The following ARID1B variants were observed in gnomAD, a reference collection of about 807,000 sequenced individuals.
ARID1B encodes AT-rich interaction domain 1B.
In ARID1B, 30 loss-of-function variants were observed where a neutral mutation model predicts 212.3. The observed-to-expected ratio is 0.14, with a 90% CI of 0.11 to 0.19. ARID1B has a LOEUF of 0.19. ARID1B is among the 10% of genes least tolerant of loss of function. The pLI, the probability that ARID1B is intolerant of heterozygous loss-of-function variation, is 1.00. For missense variants in ARID1B, 2,891 were observed against 3,204.0 expected (o/e 0.90, Z 2.36); for synonymous variants, 1,402 against 1,301.7 (o/e 1.08, Z -1.66).
intron 11 of ARID1B, among the ~76,000 whole-genome samples, chr6:157,178,924 G>A (rs1047555367): frequency 7.2e-5 from 11 of 152,128 alleles, no homozygotes; most frequent in Non-Finnish European, 1.2e-4. Context: ...AACCAGGAAC[G>A]GCAGATGGAT....
chr6:156,829,595 A>G, intron 2 of ARID1B, 174 bp downstream of exon 2: 1 of 736,188 alleles, frequency 1.4e-6, no homozygotes, highest in Non-Finnish European at 2.1e-6. Flanking sequence ...TTAAAGATGG[A>G]AAGGTGAGCT....
chr6:156,946,391 A>G (rs1191602826), intron 4 of ARID1B, among the ~76,000 whole-genome samples: 3 of 151,844 alleles, frequency 2.0e-5, no homozygotes, highest in Non-Finnish European at 2.9e-5. Flanking sequence ...AAAATAAATA[A>G]TAAATAAATA....
chr6:156,886,136 A>AG (rs746666398), intron 2 of ARID1B, among the ~76,000 whole-genome samples: 24 of 152,360 alleles, frequency 1.6e-4, no homozygotes, highest in Non-Finnish European at 2.6e-4. Context: ...GATAAGGGAC[A>AG]TTCTACCCAT....
At chr6:156,915,666 C>A (rs1039877401) in intron 3 of ARID1B, among the ~76,000 whole-genome samples, 6 of 151,154 alleles carry the variant, frequency 4.0e-5, no homozygotes, top group Non-Finnish European at 5.9e-5. Context: ...GAGGCCCAGG[C>A]GGGCAGATCA....
chr6:157,061,231 T>C (rs780939193), intron 4 of ARID1B, among the ~76,000 whole-genome samples: 1 of 152,256 alleles, frequency 6.6e-6, no homozygotes, highest in African/African-American at 2.4e-5. Flanking sequence ...AGAGCCTGGC[T>C]GCATTTGAAT....
chr6:157,106,036 T>C (rs1005111795), intron 5 of ARID1B, among the ~76,000 whole-genome samples: 2 of 152,174 alleles, frequency 1.3e-5, no homozygotes, highest in African/African-American at 4.8e-5. Context: ...GTGTAACCTT[T>C]AGACCCAACA....
In ARID1B at chr6:157,148,071, T is replaced by C. The variant is rs1789930798; in HGVS notation, c.2762-553T>C. 1.3e-5 allele frequency among the ~76,000 whole-genome samples: 2 copies of C among 151,588 alleles called. No homozygotes were observed. The highest frequency in any genetic ancestry group is 2.1e-4 in the South Asian group (1 of 4,770). ...AAAAAGAAAGAAAGAAAGAAAAATA[T>C]TATTCCCAACTTAGAGGAAAACTGG... On this transcript the variant is annotated intron_variant, in intron 7 of 19. Coordinates refer to ENST00000636930, the MANE Select transcript of ARID1B (RefSeq NM_001374828.1). The surrounding 1 kb of genome is among the most constrained non-coding windows in gnomAD (Gnocchi z 5.6).
At chr6:156,825,786 C>T (rs1413147009) in intron 1 of ARID1B, among the ~76,000 whole-genome samples, 1 of 152,204 alleles carries the variant, frequency 6.6e-6, no homozygotes, top group Non-Finnish European at 1.5e-5. Flanking sequence ...CTCCATAGGT[C>T]CTTCATTCAC....
chr6:157,075,867 G>A (rs1003249992), intron 4 of ARID1B, among the ~76,000 whole-genome samples: 1 of 152,170 alleles, frequency 6.6e-6, no homozygotes, highest in Non-Finnish European at 1.5e-5. Flanking sequence ...GGAAAGACTG[G>A]GAAACTGTCA....
intron 8 of ARID1B, among the ~76,000 whole-genome samples, chr6:157,158,532 C>T (rs571247353): frequency 6.6e-6 from 1 of 152,312 alleles, no homozygotes; most frequent in South Asian, 2.1e-4. Context: ...GTGCTTCCCC[C>T]TCGCACTGCT....
chr6:156,799,970 A>T (rs1414652702), intron 1 of ARID1B, among the ~76,000 whole-genome samples: 1 of 152,172 alleles, frequency 6.6e-6, no homozygotes, highest in Non-Finnish European at 1.5e-5. Flanking sequence ...CATGGCTCTA[A>T]GGTGCCCACC....
chr6:156,975,807 T>G (rs1383745949), intron 4 of ARID1B, among the ~76,000 whole-genome samples: 2 of 152,132 alleles, frequency 1.3e-5, no homozygotes, highest in East Asian at 3.8e-4. Context: ...AGCGTCCATG[T>G]GAAGAGACCA....
At chr6:156,890,185 C>T (rs1787814955) in intron 2 of ARID1B, among the ~76,000 whole-genome samples, 1 of 152,152 alleles carries the variant, frequency 6.6e-6, no homozygotes, top group Non-Finnish European at 1.5e-5. Context: ...AATATTCACT[C>T]CGCAGAACAT....
At chr6:156,904,991 T>C (rs1389529307) in intron 3 of ARID1B, among the ~76,000 whole-genome samples, 1 of 152,252 alleles carries the variant, frequency 6.6e-6, no homozygotes, top group Non-Finnish European at 1.5e-5. Flanking sequence ...AGTTTTAGTT[T>C]ACATTTATCT....
chr6:157,173,453 A>G (rs1255200198), intron 9 of ARID1B: 1 of 152,268 alleles, frequency 6.6e-6, no homozygotes, highest in Non-Finnish European at 1.5e-5. Context: ...TTTATTTTTA[A>G]TTATATTGTT....
chr6:157,206,821 C>A lies in ARID1B; in HGVS notation c.6049C>A (p.Pro2017Thr), dbSNP rs774509236. ...AGGGGCATTGCCTGAAGACGCAAAC[C>A]CTGGGCCCCAGACCGAAAGCAGTAA... is the stretch of plus-strand genomic sequence containing the variant. ...RPGALPEDAN[P>T]GPQTESSKFP... Residue 2017 changes from proline (P) to threonine (T), a missense_variant, in exon 20 of 20, where the codon CCT becomes ACT. By Grantham distance (38) the Pro-to-Thr change is conservative. This residue lies in a region of ARID1B where 332 missense variants were observed against 369.2 expected (regional missense o/e 0.90). Coordinates refer to ENST00000636930, the MANE Select transcript of ARID1B (RefSeq NM_001374828.1). This position sits in a 1 kb window ranked among gnomAD's most constrained non-coding sequence, Gnocchi z 6.8. The A allele has an allele frequency of 6.2e-7, 1 of 1,614,044 alleles. No homozygotes were observed. Among genetic ancestry groups the A allele is most frequent in the Non-Finnish European group, 8.5e-7 (1 of 1,180,028 alleles).
At chr6:156,880,814 T>TTAAG (rs1787019784) in intron 2 of ARID1B, among the ~76,000 whole-genome samples, 1 of 151,516 alleles carries the variant, frequency 6.6e-6, no homozygotes, top group South Asian at 2.1e-4. Flanking sequence ...ATGTTAGTTA[T>TTAAG]TAAGCTTTTA....
intron 10 of ARID1B, 24 bp from the exon 11 acceptor site, chr6:157,174,823 T>TC: frequency 6.8e-7 from 1 of 1,471,802 alleles, no homozygotes; most frequent in South Asian, 1.6e-5. Flanking sequence ...TGTCATTTTT[T>TC]TTTTTTTTAT....
chr6:156,847,858 C>T (rs1784330395), intron 2 of ARID1B, among the ~76,000 whole-genome samples: 1 of 152,132 alleles, frequency 6.6e-6, no homozygotes, highest in Admixed American at 6.5e-5. Flanking sequence ...CCAGGAGTCA[C>T]AGAACCCAAC....
Sources: allele counts gnomAD v4.1 joint callset (sites outside exome capture counted in the v4.1 genomes callset), GRCh38; gene constraint gnomAD v4.1.1; regional missense constraint gnomAD v4.1.1; non-coding constraint Gnocchi (gnomAD v3.1); transcripts MANE v1.5; gene names NCBI Gene and HGNC (gene_info 2026-07-23, HGNC 2026-07-21).